The following MICAL2 variants were observed in gnomAD, a reference collection of about 807,000 sequenced individuals.
The protein encoded by MICAL2 is microtubule associated monooxygenase, calponin and LIM domain containing 2.
MICAL2 carries 77 observed loss-of-function variants against 127.3 expected under a neutral mutation model. The observed-to-expected ratio is 0.60, with a 90% CI of 0.50 to 0.73. The LOEUF is 0.73. Ranked by LOEUF, MICAL2 falls within the 30% of genes least tolerant of loss-of-function variation. The pLI is 0.00. For missense variants in MICAL2, 1,351 were observed against 1,434.4 expected, an observed-to-expected ratio of 0.94 and a Z score of 0.94; for synonymous variants, 570 against 551.1, an observed-to-expected ratio of 1.03 and a Z score of -0.48.
rs1855719750 is a variant in MICAL2 at position 12,213,172 on chromosome 11, G to C, written c.692-83G>C. ...GGTTTCACTGGCCTGGGAGGCATCT[G>C]GGAACAGCTCTCCCAATAATCATTT... is the stretch of plus-strand genomic sequence containing the variant. On this transcript the variant is annotated intron_variant, in intron 6 of 27. Coordinates refer to ENST00000683283, the MANE Select transcript of MICAL2 (RefSeq NM_001282663.2). 4.1e-6 allele frequency: 6 copies of C among 1,460,058 alleles called. No homozygotes were observed. In the South Asian group the frequency reaches 5.5e-5, roughly 13 times the overall value. 90.4% of individuals were successfully genotyped at this position (1,460,058 alleles called of 1,614,324 possible). A position where few individuals can be genotyped will look rare whatever the true frequency, so the allele number is the denominator to read the frequency against.
At chr11:12,172,771 A>G (rs1467683612) in intron 3 of MICAL2, among the ~76,000 whole-genome samples, 2 of 152,192 alleles carry the variant, frequency 1.3e-5, no homozygotes, top group East Asian at 3.9e-4. Context: ...ACCACCCAGA[A>G]CAGGAGAGGT....
intron 3 of MICAL2, among the ~76,000 whole-genome samples, chr11:12,189,729 C>T (rs965393901): frequency 1.3e-5 from 2 of 152,190 alleles, no homozygotes; most frequent in Non-Finnish European, 2.9e-5. Context: ...CCGCAGGCAG[C>T]CTGAGCCAGC....
chr11:12,328,664 A>T (rs1864381137), intron 32 of MICAL2, among the ~76,000 whole-genome samples: 1 of 152,114 alleles, frequency 6.6e-6, no homozygotes, highest in African/African-American at 2.4e-5. Flanking sequence ...TTATAATGTG[A>T]TGTCTTCAGC....
intron 1 of MICAL2, among the ~76,000 whole-genome samples, chr11:12,134,854 C>T (rs1306894420): frequency 1.3e-5 from 2 of 152,070 alleles, no homozygotes; most frequent in Non-Finnish European, 2.9e-5. Flanking sequence ...AAAAAGGATA[C>T]ATTGGAAGGT....
chr11:12,124,261 C>G lies in MICAL2; in HGVS notation c.-149+13535C>G, dbSNP rs570027574. On this transcript the variant is annotated intron_variant, in intron 1 of 27. Coordinates refer to ENST00000683283, the MANE Select transcript of MICAL2 (RefSeq NM_001282663.2). ...TCATGATAAATGCTTATCGAAGGGACCCCTCTGTCACACTCCTGGAGACCT... is the reference window on the plus strand; with the variant it reads ...TCATGATAAATGCTTATCGAAGGGAGCCCTCTGTCACACTCCTGGAGACCT... 5.3e-5 allele frequency among the ~76,000 whole-genome samples: 8 copies of G among 152,208 alleles called. No homozygotes were observed. In the East Asian group the frequency reaches 9.7e-4, roughly 18 times the overall value.
exon 30 of MICAL2, chr11:12,319,806 T>A: frequency 6.2e-7 from 1 of 1,613,408 alleles, no homozygotes; most frequent in Non-Finnish European, 8.5e-7. Context: ...TTCCTTGCAG[T>A]TAAAGGTAAC....
intron 21 of MICAL2, 36 bp from the exon 22 acceptor site, chr11:12,249,148 T>C: frequency 6.2e-7 from 1 of 1,611,124 alleles, no homozygotes; most frequent in South Asian, 1.1e-5. Context: ...AAAGCTTATT[T>C]ACCTAAAATG....
intron 32 of MICAL2, among the ~76,000 whole-genome samples, chr11:12,337,625 A>G (rs924638987): frequency 6.6e-6 from 1 of 151,560 alleles, no homozygotes; most frequent in African/African-American, 2.4e-5. Context: ...ACTGCTTTGA[A>G]TGTGTCCCAG....
At chr11:12,192,905 G>T (rs1168928807) in intron 3 of MICAL2, among the ~76,000 whole-genome samples, 1 of 152,148 alleles carries the variant, frequency 6.6e-6, no homozygotes, top group Admixed American at 6.5e-5. Flanking sequence ...GCAGTGTATT[G>T]ACTCCATCCC....
chr11:12,191,219 C>G (rs1017977954), intron 3 of MICAL2, among the ~76,000 whole-genome samples: 11 of 152,084 alleles, frequency 7.2e-5, no homozygotes, highest in African/African-American at 2.2e-4. Context: ...AATCCCAGCA[C>G]TTTGGGAGGC....
chr11:12,315,678 G>A (rs1864224267), intron 29 of MICAL2, among the ~76,000 whole-genome samples: 1 of 152,094 alleles, frequency 6.6e-6, no homozygotes, highest in Non-Finnish European at 1.5e-5. Flanking sequence ...GTCTAACTTA[G>A]GAAATGTTTC....
intron 15 of MICAL2, among the ~76,000 whole-genome samples, chr11:12,233,272 G>C (rs1326153169): frequency 6.6e-6 from 1 of 152,208 alleles, no homozygotes; most frequent in African/African-American, 2.4e-5. Context: ...TAGTTGGATG[G>C]TTTTCCTGAG....
chr11:12,203,647 T>C (rs759204210), intron 3 of MICAL2, among the ~76,000 whole-genome samples: 1 of 152,254 alleles, frequency 6.6e-6, no homozygotes, highest in South Asian at 2.1e-4. Context: ...ATCCTTTATA[T>C]GTTTTGGATA....
chr11:12,203,851 GTACCA>G (rs1209093959), intron 3 of MICAL2, among the ~76,000 whole-genome samples: 1 of 152,078 alleles, frequency 6.6e-6, no homozygotes. Flanking sequence ...CCACAAAGAT[GTACCA>G]TATGCTTTTT....
intron 29 of MICAL2, among the ~76,000 whole-genome samples, chr11:12,301,178 C>T (rs1864042166): frequency 1.3e-5 from 2 of 152,168 alleles, no homozygotes; most frequent in South Asian, 4.1e-4. Flanking sequence ...ACAGGAAAGA[C>T]CAGCCCCCAT....
intron 2 of MICAL2, among the ~76,000 whole-genome samples, chr11:12,156,375 A>G (rs922680065): frequency 6.6e-6 from 1 of 152,140 alleles, no homozygotes; most frequent in Non-Finnish European, 1.5e-5. Context: ...AGCAATAGAG[A>G]AGGCTTTGGA....
At chr11:12,255,459 C>A (rs1862198552) in intron 22 of MICAL2, 184 bp from the exon 23 acceptor site, 3 of 593,380 alleles carry the variant, frequency 5.1e-6, no homozygotes, top group Admixed American at 5.9e-5. Context: ...TATTTATTTT[C>A]TTTTCTCCAC....
intron 1 of MICAL2, among the ~76,000 whole-genome samples, chr11:12,131,557 AC>A (rs1216992062): frequency 1.3e-5 from 2 of 151,908 alleles, no homozygotes; most frequent in Non-Finnish European, 2.9e-5. Flanking sequence ...GGCTTCCTAA[AC>A]CCTCTCAGAC....
intron 3 of MICAL2, among the ~76,000 whole-genome samples, chr11:12,195,658 T>A (rs1859802520): frequency 6.6e-6 from 1 of 150,964 alleles, no homozygotes; most frequent in Non-Finnish European, 1.5e-5. Flanking sequence ...TAGAGTTGAA[T>A]ATGAAGAAAA....
Sources: allele counts gnomAD v4.1 joint callset (sites outside exome capture counted in the v4.1 genomes callset), GRCh38; gene constraint gnomAD v4.1.1; transcripts MANE v1.5; gene names NCBI Gene and HGNC (gene_info 2026-07-23, HGNC 2026-07-21).